Variants in CLEC3A observed in about 807,000 individuals in gnomAD.
CLEC3A encodes the protein C-type (calcium dependent, carbohydrate-recognition domain) lectin, superfamily member 1 (cartilage-derived).
A neutral mutation model predicts 20.4 loss-of-function variants in CLEC3A; 28 were observed. The observed-to-expected ratio is 1.37, with a 90% CI of 1.02 to 1.88. The LOEUF is 1.88. CLEC3A is among the 40% of genes most tolerant of loss of function. The pLI is 0.00. For synonymous variants in CLEC3A, 110 were observed against 88.1 expected (o/e 1.25, Z -1.39); for missense variants, 357 against 240.4 (o/e 1.48, Z -3.21).
Position 78,030,962 on chromosome 16 carries a change from C to A in CLEC3A, c.*121C>A. On this transcript the variant is annotated 3_prime_UTR_variant, in exon 3 of 3. Transcript: ENST00000299642. ...AAAATTGCAACACAAGATCAATGTC[C>A]ATAGCAATATGATAGCATCAGCCAA... 8.7e-7 allele frequency: 1 copy of A among 1,144,902 alleles called. No homozygotes were observed. Among genetic ancestry groups the A allele is most frequent in the Non-Finnish European group, 1.2e-6 (1 of 828,452 alleles). 70.9% of individuals were successfully genotyped at this position (1,144,902 alleles called of 1,614,324 possible).
chr16:78,024,740 A>G (rs2018791503), intron 1 of CLEC3A, among the ~76,000 whole-genome samples: 1 of 152,180 alleles, frequency 6.6e-6, no homozygotes, highest in East Asian at 1.9e-4. Context: ...AGTGAAAGCC[A>G]TCTTCTCTCT....
chr16:78,024,569 T>C (rs938055312), intron 1 of CLEC3A, among the ~76,000 whole-genome samples: 4 of 152,130 alleles, frequency 2.6e-5, no homozygotes, highest in Non-Finnish European at 5.9e-5. Flanking sequence ...CCCAGTATAG[T>C]TTTTGCTACT....
chr16:78,030,298 C>G lies in CLEC3A; in HGVS notation c.200-149C>G. 4.3e-6 allele frequency: 3 copies of G among 696,576 alleles called. 1 individual carries two copies. The South Asian group carries it at 6.1e-5, about 14-fold the overall frequency. The allele number at this position is 696,576 out of a possible 1,614,324, so 43.1% of individuals were successfully genotyped here. A position where few individuals can be genotyped will look rare whatever the true frequency, so the allele number is the denominator to read the frequency against. On this transcript the variant is annotated intron_variant, in intron 2 of 2. Coordinates refer to ENST00000299642, the MANE Select transcript of CLEC3A (RefSeq NM_005752.6). ...AACTTAATTTATGTAAAATGCTTAGCATGTTGTCCGGCACATAGAAAATTT... is the reference window on the plus strand; with the variant it reads ...AACTTAATTTATGTAAAATGCTTAGGATGTTGTCCGGCACATAGAAAATTT...
Position 78,022,750 on chromosome 16 carries a change from G to A in CLEC3A, c.115+9G>A, listed in dbSNP as rs773102533. On this transcript the variant is annotated intron_variant, in intron 1 of 2. Coordinates refer to ENST00000299642, the MANE Select transcript of CLEC3A (RefSeq NM_005752.6). ...CAAACGTCGAGTGAGAGGTAATGGG[G>A]CTTCTCAATCAAGCAAAATTCTAGG... is the stretch of plus-strand genomic sequence containing the variant. 4 of 1,613,168 alleles carry A rather than the reference G, an allele frequency of 2.5e-6. No individual in the cohort carries two copies. Among genetic ancestry groups the A allele is most frequent in the South Asian group, 1.1e-5 (1 of 91,048 alleles).
Position 78,030,751 on chromosome 16 carries a change from C to T in CLEC3A, c.504C>T (p.Val168=), listed in dbSNP as rs1360168213. The change falls in exon 3 of 3, where the codon GTC becomes GTT. Residue 168 remains valine, a synonymous_variant. Coordinates refer to ENST00000299642, the MANE Select transcript of CLEC3A (RefSeq NM_005752.6). ...ACGGTGGCAAGCGAGAAAACTGTGT[C>T]CTGTTCTCCCAATCAGCTCAGGGCA... The part of the protein sequence containing the change: ...QPNGGKRENC[V]LFSQSAQGKW... The T allele has an allele frequency of 6.2e-7, 1 of 1,614,016 alleles. No individual in the cohort carries two copies. Among genetic ancestry groups the T allele is most frequent in the African/African-American group, 1.3e-5 (1 of 74,918 alleles).
intron 2 of CLEC3A, among the ~76,000 whole-genome samples, chr16:78,029,621 GCCTC>G (rs566743003): frequency 1.9e-4 from 29 of 152,020 alleles, no homozygotes; most frequent in African/African-American, 6.8e-4. Context: ...ACCCGCTTCT[GCCTC>G]CCTAAGTGCT....
At position 78,032,009 on chromosome 16, in the gene CLEC3A, A is replaced by G. The variant is rs1330011235; in HGVS notation, c.*1168A>G. On this transcript the variant is annotated 3_prime_UTR_variant, in exon 3 of 3. Transcript: ENST00000299642. ...AAACATTGAATGTGTTTTGTGAACA[A>G]TATCCCACTTTGCAAACTTTAACTA... 3 of 152,668 alleles carry G rather than the reference A, an allele frequency of 2.0e-5. No individual in the cohort carries two copies. The highest frequency in any genetic ancestry group is 4.4e-5 in the Non-Finnish European group (3 of 68,028). 9.5% of individuals were successfully genotyped at this position (152,668 alleles called of 1,614,324 possible). A position where few individuals can be genotyped will look rare whatever the true frequency, so the allele number is the denominator to read the frequency against.
At chr16:78,027,534 C>T (rs980816741) in intron 1 of CLEC3A, among the ~76,000 whole-genome samples, 4 of 152,168 alleles carry the variant, frequency 2.6e-5, no homozygotes, top group Non-Finnish European at 5.9e-5. Context: ...ACAGAAGGAG[C>T]CTCATCTCAC....
intron 2 of CLEC3A, 134 bp from the exon 3 acceptor site, chr16:78,030,313 A>G: frequency 1.3e-6 from 1 of 794,192 alleles, no homozygotes; most frequent in Non-Finnish European, 2.0e-6. Flanking sequence ...TGTCCGGCAC[A>G]TAGAAAATTT....
chr16:78,025,837 T>C lies in CLEC3A; in HGVS notation c.116-2270T>C, dbSNP rs141121458. 3.1e-3 allele frequency among the ~76,000 whole-genome samples: 476 copies of C among 152,176 alleles called. 4 individuals carry two copies. Among genetic ancestry groups the C allele is most frequent in the Admixed American group, 7.3e-3 (112 of 15,292 alleles). On this transcript the variant is annotated intron_variant, in intron 1 of 2. Coordinates refer to ENST00000299642, the MANE Select transcript of CLEC3A (RefSeq NM_005752.6). Reference sequence around the variant, plus strand: ...AAGCTACAGCCAAGTCCCTGGACAATGAATTTCATAACCATCTCCCAGGAG... The same window carrying C: ...AAGCTACAGCCAAGTCCCTGGACAACGAATTTCATAACCATCTCCCAGGAG...
In CLEC3A at chr16:78,028,183, G is replaced by A. The variant is rs770946973; in HGVS notation, c.192G>A (p.Leu64=). 9.3e-6 allele frequency: 15 copies of A among 1,607,980 alleles called. No homozygotes were observed. Among genetic ancestry groups the A allele is most frequent in the Non-Finnish European group, 1.3e-5 (15 of 1,178,348 alleles). Residue 64 remains leucine (L), a synonymous_variant, in exon 2 of 3, where the codon CTG becomes CTA. Transcript: ENST00000299642. ...EVNALKEIQA[L]QTVCLRGTKV... ...ATGCCTTGAAGGAAATTCAAGCCCTGCAGACAGGTAAGGTGCAGACCTTCT... is the reference window on the plus strand; with the variant it reads ...ATGCCTTGAAGGAAATTCAAGCCCTACAGACAGGTAAGGTGCAGACCTTCT...
chr16:78,024,886 G>C (rs1290707720), intron 1 of CLEC3A, among the ~76,000 whole-genome samples: 1 of 152,186 alleles, frequency 6.6e-6, no homozygotes. Flanking sequence ...GAGTGCAGTG[G>C]TGTGATCTCG....
chr16:78,031,143 A>G lies in CLEC3A; in HGVS notation c.*302A>G. 1 of 252,024 alleles carries G rather than the reference A, an allele frequency of 4.0e-6. No individual in the cohort carries two copies. The highest frequency in any genetic ancestry group is 7.5e-6 in the Non-Finnish European group (1 of 133,392). 15.6% of individuals were successfully genotyped at this position (252,024 alleles called of 1,614,324 possible). On this transcript the variant is annotated 3_prime_UTR_variant, in exon 3 of 3. Coordinates refer to ENST00000299642, the MANE Select transcript of CLEC3A (RefSeq NM_005752.6). ...CTTGTACAAACCCAGTTTGTTTTCA[A>G]AAAATCACAGTAGCAATGCAACTCA... is the stretch of plus-strand genomic sequence containing the variant.
At chr16:78,028,729 G>C (rs1162572624) in intron 2 of CLEC3A, among the ~76,000 whole-genome samples, 1 of 152,232 alleles carries the variant, frequency 6.6e-6, no homozygotes, top group Non-Finnish European at 1.5e-5. Context: ...GGTTTACAAG[G>C]CTCATCCCCC....
intron 2 of CLEC3A, among the ~76,000 whole-genome samples, chr16:78,030,110 G>A (rs1382421107): frequency 3.0e-5 from 4 of 131,696 alleles, no homozygotes; most frequent in Non-Finnish European, 4.6e-5. Context: ...CCGAGATGGC[G>A]CCACTGCACT....
In CLEC3A at chr16:78,030,518, G is replaced by A. The variant is rs1463395675; in HGVS notation, c.271G>A (p.Ala91Thr). Reference protein sequence around the residue: ...ASEGLKHFHEANEDCISKGGI... With the variant: ...ASEGLKHFHETNEDCISKGGI... ...AGAAGGTTTGAAGCATTTCCATGAG[G>A]CCAATGAAGACTGCATTTCCAAAGG... The change falls in exon 3 of 3, where the codon GCC (alanine) becomes ACC (threonine). Residue 91 changes from alanine to threonine, a missense_variant. Physicochemically the swap from Ala to Thr is moderately conservative, Grantham distance 58. Coordinates refer to ENST00000299642, the MANE Select transcript of CLEC3A (RefSeq NM_005752.6). 6.2e-7 allele frequency: 1 copy of A among 1,614,090 alleles called. No individual in the cohort carries two copies. Among genetic ancestry groups the A allele is most frequent in the South Asian group, 1.1e-5 (1 of 91,068 alleles).
chr16:78,027,733 G>A (rs1320008978), intron 1 of CLEC3A, among the ~76,000 whole-genome samples: 1 of 151,814 alleles, frequency 6.6e-6, no homozygotes, highest in Non-Finnish European at 1.5e-5. Context: ...TTTGCTCACT[G>A]CAACCTCTGC....
At chr16:78,030,389 C>A in intron 2 of CLEC3A, 58 bp from the exon 3 acceptor site, 2 of 1,462,218 alleles carry the variant, frequency 1.4e-6, no homozygotes, top group South Asian at 1.3e-5. Flanking sequence ...CCAGGTCCAG[C>A]CCTAGTCATA....
At chr16:78,030,175 T>G (rs1453765089) in intron 2 of CLEC3A, among the ~76,000 whole-genome samples, 1 of 141,612 alleles carries the variant, frequency 7.1e-6, no homozygotes, top group African/African-American at 2.6e-5. Context: ...AAAAAAATGC[T>G]AAGGTGTTAC....
Sources: allele counts gnomAD v4.1 joint callset (sites outside exome capture counted in the v4.1 genomes callset), GRCh38; gene constraint gnomAD v4.1.1; transcripts MANE v1.5; gene names NCBI Gene and HGNC (gene_info 2026-07-23, HGNC 2026-07-21).